LRRC4C: variants seen among roughly 807,000 people sequenced by gnomAD.
LRRC4C encodes the protein leucine rich repeat containing 4C.
A neutral mutation model predicts 33.6 loss-of-function variants in LRRC4C; 5 were observed. That is an observed-to-expected ratio of 0.15 (90% CI 0.08 to 0.31). LRRC4C has a LOEUF of 0.31. Among genes scored for constraint, LRRC4C ranks in the 10% least tolerant of loss-of-function variants. The pLI, the probability that LRRC4C is intolerant of heterozygous loss-of-function variation, is 1.00. For synonymous variants in LRRC4C, 329 were observed against 302.0 expected, an observed-to-expected ratio of 1.09 and a Z score of -0.93; for missense variants, 560 against 796.7, an observed-to-expected ratio of 0.70 and a Z score of 3.58.
At chr11:40,380,659 T>C (rs1409248457) in intron 3 of LRRC4C, among the ~76,000 whole-genome samples, 1 of 152,222 alleles carries the variant, frequency 6.6e-6, no homozygotes, top group Non-Finnish European at 1.5e-5. Flanking sequence ...AAGTATCCGC[T>C]ACCCTTCCTC....
rs141687420 is a variant in LRRC4C, at chr11:40,571,533, G to A, written c.-270+76609C>T. On this transcript the variant is annotated intron_variant, in intron 3 of 6. Coordinates refer to ENST00000528697, the MANE Select transcript of LRRC4C (RefSeq NM_001258419.2). Reference sequence around the variant, plus strand: ...TTCAAGTGACTTATTCAAAGGAACCGTCTACAACTAGTTACAAGGAGAGTC... The same window carrying A: ...TTCAAGTGACTTATTCAAAGGAACCATCTACAACTAGTTACAAGGAGAGTC... Among the ~76,000 whole-genome samples, 949 of 152,174 alleles carry A rather than the reference G, an allele frequency of 6.2e-3. 15 individuals are homozygous for A. Among genetic ancestry groups the A allele is most frequent in the African/African-American group, 0.022 (907 of 41,516 alleles).
intron 2 of LRRC4C, among the ~76,000 whole-genome samples, chr11:40,714,287 T>A (rs1946605931): frequency 6.6e-6 from 1 of 152,212 alleles, no homozygotes; most frequent in Non-Finnish European, 1.5e-5. Flanking sequence ...AGTAAACGTT[T>A]ATTATTATTT....
intron 2 of LRRC4C, among the ~76,000 whole-genome samples, chr11:40,706,800 A>T (rs1221197804): frequency 6.6e-6 from 1 of 152,188 alleles, no homozygotes; most frequent in Non-Finnish European, 1.5e-5. Flanking sequence ...TACCTTGGGC[A>T]GTATGGCCAT....
intron 2 of LRRC4C, among the ~76,000 whole-genome samples, chr11:40,779,592 CTA>C (rs1227148353): frequency 2.0e-5 from 3 of 152,078 alleles, no homozygotes; most frequent in Non-Finnish European, 4.4e-5. Flanking sequence ...TCAAATATTT[CTA>C]TTTCTCTTGG....
intron 5 of LRRC4C, among the ~76,000 whole-genome samples, chr11:40,193,266 C>A (rs1449108049): frequency 6.6e-6 from 1 of 152,124 alleles, no homozygotes; most frequent in East Asian, 1.9e-4. Context: ...AAGCAGGCAG[C>A]AATCTTTGCT....
intron 1 of LRRC4C, among the ~76,000 whole-genome samples, chr11:41,375,542 G>A (rs1209673036): frequency 6.6e-6 from 1 of 152,112 alleles, no homozygotes; most frequent in Non-Finnish European, 1.5e-5. Context: ...TGTTCAGTGT[G>A]AGTTTCAGTC....
intron 3 of LRRC4C, among the ~76,000 whole-genome samples, chr11:40,330,156 ATTAC>A (rs895705173): frequency 6.6e-6 from 1 of 152,062 alleles, no homozygotes; most frequent in African/African-American, 2.4e-5. Flanking sequence ...AAAAATTACA[ATTAC>A]TTACGTAGTA....
intron 1 of LRRC4C, among the ~76,000 whole-genome samples, chr11:41,238,139 A>G (rs2136520818): frequency 6.6e-6 from 1 of 152,252 alleles, no homozygotes; most frequent in East Asian, 1.9e-4. Flanking sequence ...TATTTTAAGC[A>G]GTGTATTAAA....
intron 2 of LRRC4C, among the ~76,000 whole-genome samples, chr11:40,689,844 T>C (rs1250634507): frequency 6.6e-6 from 1 of 152,134 alleles, no homozygotes; most frequent in African/African-American, 2.4e-5. Flanking sequence ...CTCCTTACCA[T>C]ATTTAACAAG....
chr11:40,963,314 G>A (rs1851098871), intron 1 of LRRC4C, among the ~76,000 whole-genome samples: 1 of 151,732 alleles, frequency 6.6e-6, no homozygotes, highest in African/African-American at 2.4e-5. Flanking sequence ...CAAGTGCTGT[G>A]AAGTTCCAGA....
intron 1 of LRRC4C, among the ~76,000 whole-genome samples, chr11:41,074,271 T>G (rs74557389): frequency 0.01 from 1,525 of 152,292 alleles, 18 homozygotes; most frequent in South Asian, 0.039. Context: ...GATGATAGAT[T>G]TATACTTTAT....
chr11:40,876,578 T>A (rs190392998), intron 2 of LRRC4C, among the ~76,000 whole-genome samples: 72 of 152,154 alleles, frequency 4.7e-4, no homozygotes, highest in Non-Finnish European at 8.8e-4. Flanking sequence ...CCTGTGTCAC[T>A]GAAATGTGCT....
chr11:40,303,864 T>G (rs915397790), intron 4 of LRRC4C, among the ~76,000 whole-genome samples: 1 of 152,188 alleles, frequency 6.6e-6, no homozygotes, highest in Non-Finnish European at 1.5e-5. Context: ...CCTGATGAAG[T>G]GCTTTCAGGT....
At chr11:40,811,097 T>C (rs989155935) in intron 2 of LRRC4C, among the ~76,000 whole-genome samples, 4 of 152,152 alleles carry the variant, frequency 2.6e-5, no homozygotes, top group African/African-American at 9.7e-5. Flanking sequence ...TTCTCTCCTA[T>C]GGATGTTTAA....
chr11:40,485,336 TA>T (rs1445408078), intron 3 of LRRC4C, among the ~76,000 whole-genome samples: 1 of 151,612 alleles, frequency 6.6e-6, no homozygotes, highest in Non-Finnish European at 1.5e-5. Flanking sequence ...AAAAGGAAAA[TA>T]ATTTAGCTTC....
chr11:41,191,337 T>A (rs1426357902), intron 1 of LRRC4C, among the ~76,000 whole-genome samples: 2 of 152,130 alleles, frequency 1.3e-5, no homozygotes, highest in Non-Finnish European at 2.9e-5. Flanking sequence ...GCAAAAACGT[T>A]CCTGATTTTT....
At chr11:40,332,592 A>G (rs1946412167) in intron 3 of LRRC4C, among the ~76,000 whole-genome samples, 1 of 152,222 alleles carries the variant, frequency 6.6e-6, no homozygotes, top group African/African-American at 2.4e-5. Context: ...ACTTGTGTAA[A>G]TTAAGGTATC....
At chr11:40,495,811 A>ATTTT (rs1565445743) in intron 3 of LRRC4C, among the ~76,000 whole-genome samples, 5 of 51,906 alleles carry the variant, frequency 9.6e-5, no homozygotes, top group Non-Finnish European at 2.0e-4. Context: ...CTCAATAAAC[A>ATTTT]TGTTTTTTTT....
At chr11:41,233,591 A>G (rs909777197) in intron 1 of LRRC4C, among the ~76,000 whole-genome samples, 1 of 152,028 alleles carries the variant, frequency 6.6e-6, no homozygotes, top group Non-Finnish European at 1.5e-5. Flanking sequence ...TCTAGATTAC[A>G]TGGCTAATAG....
Sources: allele counts gnomAD v4.1 joint callset (sites outside exome capture counted in the v4.1 genomes callset), GRCh38; gene constraint gnomAD v4.1.1; transcripts MANE v1.5; gene names NCBI Gene and HGNC (gene_info 2026-07-23, HGNC 2026-07-21).